The following AP1G1 variants were observed in gnomAD, a reference collection of about 807,000 sequenced individuals.
AP1G1 encodes the protein AP-1 complex subunit gamma-1.
Under a neutral mutation model 108.3 loss-of-function variants are expected in AP1G1, and 7 were observed. The ratio of observed to expected loss-of-function variants is 0.06; its 90% confidence interval spans 0.04 to 0.12. The LOEUF (loss-of-function observed/expected upper bound fraction) is 0.12, where lower values mean the gene tolerates loss of function less well. Ranked by LOEUF, AP1G1 falls within the 10% of genes least tolerant of loss-of-function variation. The pLI, the probability that AP1G1 is intolerant of heterozygous loss-of-function variation, is 1.00. For missense variants in AP1G1, 756 were observed against 1,010.7 expected, an observed-to-expected ratio of 0.75 and a Z score of 3.42; for synonymous variants, 379 against 353.5, an observed-to-expected ratio of 1.07 and a Z score of -0.81.
chr16:71,781,899 A>G (rs1246604786), intron 2 of AP1G1, among the ~76,000 whole-genome samples: 1 of 152,170 alleles, frequency 6.6e-6, no homozygotes, highest in South Asian at 2.1e-4. Context: ...TTCTGTTGTG[A>G]TCTCATTTTG....
At position 71,739,265 on chromosome 16, in the gene AP1G1, T is replaced by C; in HGVS notation, c.2076A>G (p.Ser692=). 6.2e-7 allele frequency: 1 copy of C among 1,613,532 alleles called. No homozygotes were observed. The highest frequency in any genetic ancestry group is 8.5e-7 in the Non-Finnish European group (1 of 1,179,886). Residue 692 remains serine (S), a synonymous_variant, in exon 20 of 23, where the codon TCA becomes TCG. Coordinates refer to ENST00000299980, the MANE Select transcript of AP1G1 (RefSeq NM_001128.6). ...SQPPFLLDGL[S]SQPLFNDIAA... is the part of the protein sequence containing the mutation. Reference sequence around the variant, plus strand: ...CAATATCATTGAAGAGAGGCTGTGATGAAAGCCCATCCAACAAGAAGGGGG... The same window carrying C: ...CAATATCATTGAAGAGAGGCTGTGACGAAAGCCCATCCAACAAGAAGGGGG...
At chr16:71,751,013 G>A (rs1043618185) in intron 13 of AP1G1, among the ~76,000 whole-genome samples, 15 of 151,512 alleles carry the variant, frequency 9.9e-5, no homozygotes, top group African/African-American at 2.7e-4. Flanking sequence ...AAAATTAGCC[G>A]GGCATGTGGT....
At chr16:71,750,578 C>T (rs1034268118) in intron 13 of AP1G1, 2 of 361,642 alleles carry the variant, frequency 5.5e-6, no homozygotes, top group Non-Finnish European at 1.0e-5. Flanking sequence ...CCACACCTGG[C>T]TAATTTTTTC....
At chr16:71,765,814 G>A (rs1345478949) in intron 6 of AP1G1, among the ~76,000 whole-genome samples, 2 of 152,150 alleles carry the variant, frequency 1.3e-5, no homozygotes, top group Admixed American at 1.3e-4. Flanking sequence ...ACTTTTTTAT[G>A]CAAGAGTTAT....
chr16:71,789,337 C>T lies in AP1G1; in HGVS notation c.143G>A (p.Arg48Gln). 6.2e-7 allele frequency: 1 copy of T among 1,614,136 alleles called. No homozygotes were observed. Among genetic ancestry groups the T allele is most frequent in the Non-Finnish European group, 8.5e-7 (1 of 1,180,038 alleles). The change falls in exon 2 of 23, where the codon CGG becomes CAG. Residue 48 changes from arginine (R) to glutamine (Q), a missense_variant. Physicochemically the swap from Arg to Gln is conservative, Grantham distance 43. Around this residue, in one of 3 missense-constraint regions of AP1G1, gnomAD observed 304 missense variants for 483.6 expected, o/e 0.63. Coordinates refer to ENST00000299980, the MANE Select transcript of AP1G1 (RefSeq NM_001128.6). ...FREEDNTYRC[R>Q]NVAKLLYMHM... ...CATATACAGTAATTTTGCCACATTC[C>T]GACATCGGTATGTATTGTCTTCTTC...
intron 1 of AP1G1, among the ~76,000 whole-genome samples, chr16:71,805,095 T>C (rs965459206): frequency 3.3e-5 from 5 of 152,182 alleles, no homozygotes; most frequent in Admixed American, 6.5e-5. Context: ...CTTTCAACAT[T>C]ATTCTGCATT....
At chr16:71,748,615 G>A (rs2030313332) in intron 15 of AP1G1, among the ~76,000 whole-genome samples, 2 of 152,088 alleles carry the variant, frequency 1.3e-5, no homozygotes, top group African/African-American at 4.8e-5. Flanking sequence ...TAAAAAGAGT[G>A]AAAAATGACC....
At chr16:71,781,156 T>TAC (rs199738293) in intron 2 of AP1G1, among the ~76,000 whole-genome samples, 122 of 152,230 alleles carry the variant, frequency 8.0e-4, no homozygotes, top group Non-Finnish European at 8.2e-4. Flanking sequence ...GCCTGGTTTA[T>TAC]ACACACACAC....
chr16:71,780,497 T>TAAA (rs537929533), intron 2 of AP1G1, among the ~76,000 whole-genome samples: 19 of 129,766 alleles, frequency 1.5e-4, no homozygotes, highest in African/African-American at 3.7e-4. Flanking sequence ...TCTCTTAATT[T>TAAA]AAAAAAAAAA....
Position 71,791,310 on chromosome 16 carries a change from G to A in AP1G1, c.-3-1828C>T, listed in dbSNP as rs796079850. ...ACCAGAAGAGTCAATTTTACCATAT[G>A]TTAACTTTAAAGAGTTTATTTTAAA... On this transcript the variant is annotated intron_variant, in intron 1 of 22. Transcript: ENST00000299980. Among the ~76,000 whole-genome samples the A allele has an allele frequency of 4.6e-5, 7 of 151,332 alleles. 1 individual carries two copies. The highest frequency in any genetic ancestry group is 1.7e-4 in the African/African-American group (7 of 41,270).
chr16:71,746,505 G>T (rs1233432566), intron 17 of AP1G1, 83 bp downstream of exon 17: 17 of 835,558 alleles, frequency 2.0e-5, no homozygotes, highest in Non-Finnish European at 3.2e-5. Context: ...AAAGCACAAG[G>T]AATGAATCTT....
chr16:71,775,177 C>T (rs935848182), intron 2 of AP1G1, among the ~76,000 whole-genome samples: 3 of 151,226 alleles, frequency 2.0e-5, no homozygotes, highest in Non-Finnish European at 4.4e-5. Context: ...CAGGCCCCCA[C>T]CACCAAACCC....
chr16:71,733,109 T>G lies in AP1G1; in HGVS notation c.2418A>C (p.Ala806=), dbSNP rs368796987. The G allele has an allele frequency of 1.1e-5, 18 of 1,614,076 alleles. No individual in the cohort carries two copies. Among genetic ancestry groups the G allele is most frequent in the African/African-American group, 2.7e-5 (2 of 74,930 alleles). ...TGTTCACCTCTGCTAGATCTTGCAT[T>G]GCTGAGCCCTTGTGATTATATGTAA... ...IKLTYNHKGS[A]MQDLAEVNNF... is the part of the protein sequence containing the mutation. Residue 806 remains alanine (A), a synonymous_variant, in exon 23 of 23, where the codon GCA becomes GCC. Transcript: ENST00000299980.
intron 1 of AP1G1, among the ~76,000 whole-genome samples, chr16:71,790,672 T>G (rs2032367312): frequency 6.6e-6 from 1 of 152,136 alleles, no homozygotes; most frequent in South Asian, 2.1e-4. Context: ...GGCAACTATT[T>G]CTCTCCATGG....
intron 4 of AP1G1, among the ~76,000 whole-genome samples, chr16:71,771,509 G>T (rs1402643765): frequency 6.6e-6 from 1 of 152,234 alleles, no homozygotes; most frequent in East Asian, 1.9e-4. Context: ...AACACAGTAA[G>T]AACCTGCCTC....
intron 1 of AP1G1, among the ~76,000 whole-genome samples, chr16:71,800,727 G>A (rs1390665534): frequency 6.6e-6 from 1 of 152,066 alleles, no homozygotes; most frequent in East Asian, 1.9e-4. Flanking sequence ...CGTGAACCTG[G>A]GAGGCAGAAC....
chr16:71,755,502 G>T (rs1210455799), intron 12 of AP1G1, among the ~76,000 whole-genome samples: 1 of 152,142 alleles, frequency 6.6e-6, no homozygotes, highest in Non-Finnish European at 1.5e-5. Flanking sequence ...TAAAGGAGAA[G>T]ATTTCATAAA....
intron 11 of AP1G1, among the ~76,000 whole-genome samples, chr16:71,756,758 A>G (rs2030808095): frequency 6.6e-6 from 1 of 152,022 alleles, no homozygotes; most frequent in Non-Finnish European, 1.5e-5. Flanking sequence ...CATGGCCAAC[A>G]TGGTGAAAGC....
intron 2 of AP1G1, among the ~76,000 whole-genome samples, chr16:71,780,890 C>T (rs192680891): frequency 6.6e-6 from 1 of 151,722 alleles, no homozygotes; most frequent in East Asian, 1.9e-4. Context: ...ACCGTATTGC[C>T]CTGGCTAGTG....
Sources: gnomAD v4.1 joint callset for allele counts (sites outside exome capture counted in the v4.1 genomes callset) on GRCh38, gnomAD v4.1.1 for gene constraint, gnomAD v4.1.1 regional missense constraint, MANE v1.5 for transcripts, NCBI Gene and HGNC (gene_info 2026-07-23, HGNC 2026-07-21) for gene names.